CHST11: variants seen among roughly 807,000 people sequenced by gnomAD.
CHST11 encodes C4S-1.
Under a neutral mutation model 30.4 loss-of-function variants are expected in CHST11, and 9 were observed. The observed-to-expected ratio is 0.30, with a 90% confidence interval of 0.18 to 0.52. The LOEUF (loss-of-function observed/expected upper bound fraction) is 0.52. Among genes scored for constraint, CHST11 ranks in the 20% least tolerant of loss-of-function variants. The pLI is 0.97. For missense variants in CHST11, 348 were observed against 460.6 expected (o/e 0.76, Z 2.24); for synonymous variants, 152 against 187.8 (o/e 0.81, Z 1.56).
At chr12:104,474,339 T>C (rs58913855) in intron 1 of CHST11, among the ~76,000 whole-genome samples, 1,753 of 152,294 alleles carry the variant, frequency 0.012, 42 homozygotes, top group African/African-American at 0.039. Context: ...ACAGCTTTCT[T>C]TGGGAGAGTG....
At chr12:104,703,424 T>C (rs1433633235) in intron 2 of CHST11, among the ~76,000 whole-genome samples, 2 of 152,172 alleles carry the variant, frequency 1.3e-5, no homozygotes, top group East Asian at 3.8e-4. Context: ...TCCTTTTCCA[T>C]GCCACACGTT....
chr12:104,631,474 C>T (rs1592805025), intron 2 of CHST11, among the ~76,000 whole-genome samples: 1 of 152,286 alleles, frequency 6.6e-6, no homozygotes, highest in South Asian at 2.1e-4. Flanking sequence ...TCCGAGGCCA[C>T]CTTTGAGCTA....
At chr12:104,669,135 C>T (rs1414351344) in intron 2 of CHST11, among the ~76,000 whole-genome samples, 1 of 152,206 alleles carries the variant, frequency 6.6e-6, no homozygotes, top group Non-Finnish European at 1.5e-5. Flanking sequence ...CGCACAATCG[C>T]CCGCTGTGTC....
At chr12:104,537,478 ATCACAGGCAAGTTACTTAACT>A (rs531328622) in intron 1 of CHST11, among the ~76,000 whole-genome samples, 67 of 152,352 alleles carry the variant, frequency 4.4e-4, no homozygotes, top group African/African-American at 1.6e-3. Flanking sequence ...TATCAGTGGA[ATCACAGGCAAGTTACTTAACT>A]TCACCAACCC....
intron 2 of CHST11, among the ~76,000 whole-genome samples, chr12:104,636,797 A>G (rs2039326703): frequency 6.6e-6 from 1 of 152,108 alleles, no homozygotes; most frequent in Non-Finnish European, 1.5e-5. Flanking sequence ...ACCAATATAT[A>G]TTAATAGGAG....
Position 104,458,848 on chromosome 12 carries a change from C to G in CHST11, c.118+1319C>G, listed in dbSNP as rs1351337430. 6.6e-6 allele frequency among the ~76,000 whole-genome samples: 1 copy of G among 152,234 alleles called. No individual in the cohort carries two copies. Among genetic ancestry groups the G allele is most frequent in the Non-Finnish European group, 1.5e-5 (1 of 68,042 alleles). On this transcript the variant is annotated intron_variant, in intron 1 of 2. Coordinates refer to ENST00000303694, the MANE Select transcript of CHST11 (RefSeq NM_018413.6). This position sits in a 1 kb window ranked among gnomAD's most constrained non-coding sequence, Gnocchi z 5.7. ...TTCTCCTTTCACTGTGTATCTAACA[C>G]TTTAAACAGACGCAGTCCCGAATTC...
chr12:104,510,723 T>G (rs1035182853), intron 1 of CHST11, among the ~76,000 whole-genome samples: 3 of 152,234 alleles, frequency 2.0e-5, no homozygotes, highest in African/African-American at 4.8e-5. Context: ...AGCCTTCCCT[T>G]TGTTCGGATT....
At chr12:104,696,300 A>G (rs374040460) in intron 2 of CHST11, among the ~76,000 whole-genome samples, 34 of 152,154 alleles carry the variant, frequency 2.2e-4, no homozygotes, top group Admixed American at 1.2e-3. Flanking sequence ...ACATTGTGGC[A>G]TATTTGCTTC....
At chr12:104,612,469 TAGGGGCCCACTG>T (rs2039069236) in intron 2 of CHST11, among the ~76,000 whole-genome samples, 1 of 152,192 alleles carries the variant, frequency 6.6e-6, no homozygotes, top group African/African-American at 2.4e-5. Context: ...CATATTGGAG[TAGGGGCCCACTG>T]ACTCCAGTAT....
Position 104,457,145 on chromosome 12 carries a change from G to A in CHST11, c.-267G>A. ...GCGGCCGCCGGCGGGATCGGAGGAG[G>A]CGGCGGAGCGGCGAGGAGGAGGAGC... is the stretch of plus-strand genomic sequence containing the variant. On this transcript the variant is annotated 5_prime_UTR_variant, in exon 1 of 3. Transcript: ENST00000303694. The A allele has an allele frequency of 3.6e-6, 1 of 281,524 alleles. No homozygotes were observed. The highest frequency in any genetic ancestry group is 1.5e-4 in the South Asian group (1 of 6,880). 17.4% of individuals were successfully genotyped at this position (281,524 alleles called of 1,614,324 possible). A position where few individuals can be genotyped will look rare whatever the true frequency, so the allele number is the denominator to read the frequency against.
intron 2 of CHST11, among the ~76,000 whole-genome samples, chr12:104,733,681 T>C (rs1437528463): frequency 2.6e-5 from 4 of 152,270 alleles, no homozygotes. Flanking sequence ...CCCTACCTTA[T>C]AGATAAGGAA....
chr12:104,672,209 C>T (rs545437294), intron 2 of CHST11, among the ~76,000 whole-genome samples: 1 of 151,674 alleles, frequency 6.6e-6, no homozygotes, highest in South Asian at 2.1e-4. Context: ...GTCTGGCCTG[C>T]ACAGGGGGGT....
At chr12:104,593,584 T>C (rs996409929) in intron 1 of CHST11, among the ~76,000 whole-genome samples, 1 of 152,210 alleles carries the variant, frequency 6.6e-6, no homozygotes, top group Non-Finnish European at 1.5e-5. Flanking sequence ...GCCTATTTGC[T>C]TGGTCTCTAT....
At chr12:104,472,474 A>C (rs1193362718) in intron 1 of CHST11, among the ~76,000 whole-genome samples, 2 of 152,164 alleles carry the variant, frequency 1.3e-5, no homozygotes, top group African/African-American at 4.8e-5. Flanking sequence ...ATCAGTCGCT[A>C]TCTGAAGCTT....
rs753761079 is a variant in CHST11 at position 104,729,884 on chromosome 12, G to C, written c.205-27065G>C. On this transcript the variant is annotated intron_variant, in intron 2 of 2. Coordinates refer to ENST00000303694, the MANE Select transcript of CHST11 (RefSeq NM_018413.6). This position sits in a 1 kb window ranked among gnomAD's most constrained non-coding sequence, Gnocchi z 4.0. ...AAGGTCCACCAGGTGGGAGGGCAAGGCCTCCTCCTCTGGCCGTGCGTGTCT... is the reference window on the plus strand; with the variant it reads ...AAGGTCCACCAGGTGGGAGGGCAAGCCCTCCTCCTCTGGCCGTGCGTGTCT... 1.6e-4 allele frequency among the ~76,000 whole-genome samples: 24 copies of C among 152,194 alleles called. No individual in the cohort carries two copies. The highest frequency in any genetic ancestry group is 1.5e-5 in the Non-Finnish European group (1 of 68,038).
intron 1 of CHST11, among the ~76,000 whole-genome samples, chr12:104,577,678 A>G (rs2038698930): frequency 6.6e-6 from 1 of 152,188 alleles, no homozygotes; most frequent in Non-Finnish European, 1.5e-5. Flanking sequence ...CTAGGCTCCC[A>G]TGGCAGAATA....
chr12:104,579,710 C>T (rs1258118537), intron 1 of CHST11, among the ~76,000 whole-genome samples: 1 of 152,236 alleles, frequency 6.6e-6, no homozygotes, highest in Non-Finnish European at 1.5e-5. Context: ...GAGGGCACAT[C>T]CACACATTGC....
At chr12:104,612,414 G>A (rs145509603) in intron 2 of CHST11, among the ~76,000 whole-genome samples, 2 of 152,344 alleles carry the variant, frequency 1.3e-5, no homozygotes, top group East Asian at 3.9e-4. Context: ...CTGTGTGGGT[G>A]CCTGGCTTTG....
intron 2 of CHST11, among the ~76,000 whole-genome samples, chr12:104,687,786 A>G (rs909435877): frequency 6.6e-5 from 10 of 151,816 alleles, no homozygotes; most frequent in African/African-American, 2.4e-4. Context: ...GCCCCCCCCA[A>G]AATTTTTTTT....
Sources: allele counts gnomAD v4.1 joint callset (sites outside exome capture counted in the v4.1 genomes callset), GRCh38; gene constraint gnomAD v4.1.1; non-coding constraint Gnocchi (gnomAD v3.1); transcripts MANE v1.5; gene names NCBI Gene and HGNC (gene_info 2026-07-23, HGNC 2026-07-21).